The following KAZN variants were observed in gnomAD, a reference collection of about 807,000 sequenced individuals.
KAZN encodes kazrin.
A neutral mutation model predicts 87.4 loss-of-function variants in KAZN; 40 were observed. The observed-to-expected ratio is 0.46, with a 90% confidence interval of 0.36 to 0.60. The LOEUF (loss-of-function observed/expected upper bound fraction) is 0.60, where lower values mean the gene tolerates loss of function less well. KAZN is among the 20% of genes least tolerant of loss of function. KAZN has a pLI of 0.00. For missense variants in KAZN, 898 were observed against 1,073.9 expected (o/e 0.84, Z 2.29); for synonymous variants, 466 against 458.3 (o/e 1.02, Z -0.22).
chr1:14,629,067 G>C (rs1390969623), intron 1 of KAZN, among the ~76,000 whole-genome samples: 1 of 152,038 alleles, frequency 6.6e-6, no homozygotes, highest in African/African-American at 2.4e-5. Flanking sequence ...GGCTGGTCTT[G>C]AACTCCTGAC....
chr1:14,258,340 C>T (rs376118732), intron 2 of KAZN, among the ~76,000 whole-genome samples: 10 of 151,106 alleles, frequency 6.6e-5, no homozygotes, highest in South Asian at 2.1e-4. Flanking sequence ...CTCAGCCTCC[C>T]GAGTAGCTGG....
At chr1:14,593,474 A>G (rs2148584377) in intron 2 of KAZN, among the ~76,000 whole-genome samples, 1 of 152,278 alleles carries the variant, frequency 6.6e-6, no homozygotes, top group East Asian at 1.9e-4. Context: ...TGCAATAGAA[A>G]TAATCAAATT....
chr1:14,383,669 A>C (rs982676005), intron 2 of KAZN, among the ~76,000 whole-genome samples: 18 of 151,852 alleles, frequency 1.2e-4, no homozygotes, highest in African/African-American at 4.1e-4. Context: ...TGTTCCATTG[A>C]TCTCTCTCTC....
Position 15,094,576 on chromosome 1 carries a change from G to A in KAZN, c.1428+191G>A, listed in dbSNP as rs141029492. Among the ~76,000 whole-genome samples the A allele has an allele frequency of 1.3e-5, 2 of 152,334 alleles. No homozygotes were observed. The highest frequency in any genetic ancestry group is 2.1e-4 in the South Asian group (1 of 4,828). ...CTGGCAAGGCAGAGAGCCCTCAGCT[G>A]CCTCATCCTGACAATGGACCCAGGT... is the stretch of plus-strand genomic sequence containing the variant. On this transcript the variant is annotated intron_variant, in intron 9 of 14. Coordinates refer to ENST00000376030, the MANE Select transcript of KAZN (RefSeq NM_201628.3). The surrounding 1 kb of genome is among the most constrained non-coding windows in gnomAD (Gnocchi z 4.5).
chr1:14,084,892 G>A (rs12138507), intron 1 of KAZN, among the ~76,000 whole-genome samples: 12,462 of 152,032 alleles, frequency 0.082, 586 homozygotes, highest in Middle Eastern at 0.12. Context: ...AAAAAAGTAC[G>A]TGTGTGTGTA....
intron 1 of KAZN, among the ~76,000 whole-genome samples, chr1:14,936,917 A>G (rs991056127): frequency 6.6e-6 from 1 of 152,120 alleles, no homozygotes; most frequent in Admixed American, 6.5e-5. Context: ...TCCAGTGGAG[A>G]GGAGCTCAGG....
chr1:13,988,192 GC>G (rs1416826230), intron 1 of KAZN, among the ~76,000 whole-genome samples: 1 of 152,132 alleles, frequency 6.6e-6, no homozygotes, highest in Non-Finnish European at 1.5e-5. Flanking sequence ...CATAGCACAA[GC>G]ATTTGGAGAA....
chr1:14,358,785 G>A (rs962664892), intron 2 of KAZN, among the ~76,000 whole-genome samples: 3 of 151,734 alleles, frequency 2.0e-5, no homozygotes, highest in African/African-American at 7.3e-5. Context: ...CGTGGTCTGA[G>A]AGACTGTTTG....
intron 1 of KAZN, among the ~76,000 whole-genome samples, chr1:14,057,043 CAAAAAA>C (rs527243643): frequency 1.1e-5 from 1 of 91,676 alleles, no homozygotes; most frequent in Non-Finnish European, 2.4e-5. Context: ...GACCCTGTCT[CAAAAAA>C]AAAAAAAAAA....
At chr1:15,098,891 C>A (rs1026346901) in intron 10 of KAZN, among the ~76,000 whole-genome samples, 5 of 152,238 alleles carry the variant, frequency 3.3e-5, no homozygotes, top group Non-Finnish European at 7.3e-5. Context: ...GGGCCCTGGA[C>A]ATTCACAGAT....
At position 14,972,025 on chromosome 1, in the gene KAZN, A is replaced by T. The variant is rs1041738460; in HGVS notation, c.418+11150A>T. On this transcript the variant is annotated intron_variant, in intron 2 of 14. Transcript: ENST00000376030. ...GTAGGGGCAGAGGCTGCACACGCTGATCCTCAGCTTTTAATTAATCCACCC... is the reference window on the plus strand; with the variant it reads ...GTAGGGGCAGAGGCTGCACACGCTGTTCCTCAGCTTTTAATTAATCCACCC... 1.6e-4 allele frequency among the ~76,000 whole-genome samples: 25 copies of T among 152,002 alleles called. 1 individual carries two copies. Among genetic ancestry groups the T allele is most frequent in the Non-Finnish European group, 3.4e-4 (23 of 68,004 alleles).
At chr1:14,509,700 T>C (rs1467849388) in intron 2 of KAZN, among the ~76,000 whole-genome samples, 1 of 152,168 alleles carries the variant, frequency 6.6e-6, no homozygotes, top group Non-Finnish European at 1.5e-5. Flanking sequence ...CAGACAATGC[T>C]GTGTCCCCCT....
intron 1 of KAZN, among the ~76,000 whole-genome samples, chr1:14,628,125 A>G (rs537733806): frequency 6.6e-6 from 1 of 152,336 alleles, no homozygotes; most frequent in African/African-American, 2.4e-5. Context: ...CTCAGTCTCC[A>G]TTGCTACAGA....
rs753488568 is a variant in KAZN, at chr1:14,960,895, C to T, written c.418+20C>T. 9 of 1,588,834 alleles carry T rather than the reference C, an allele frequency of 5.7e-6. 1 individual carries two copies. The South Asian group carries it at 7.9e-5, about 14-fold the overall frequency. On this transcript the variant is annotated intron_variant, in intron 2 of 14. Coordinates refer to ENST00000376030, the MANE Select transcript of KAZN (RefSeq NM_201628.3). Reference sequence around the variant, plus strand: ...TGCAGGGTGAGTGACGAGTCAGCAGCAGTTCCTTCGCTGGGAGCTCAGGCC... The same window carrying T: ...TGCAGGGTGAGTGACGAGTCAGCAGTAGTTCCTTCGCTGGGAGCTCAGGCC...
chr1:14,494,340 G>C (rs1194162880), intron 2 of KAZN, among the ~76,000 whole-genome samples: 2 of 152,218 alleles, frequency 1.3e-5, no homozygotes, highest in Non-Finnish European at 2.9e-5. Context: ...TGGGCAGAGA[G>C]GGAGTGGGTA....
intron 1 of KAZN, among the ~76,000 whole-genome samples, chr1:14,953,052 C>T (rs1019505513): frequency 6.6e-6 from 1 of 152,196 alleles, no homozygotes; most frequent in African/African-American, 2.4e-5. Context: ...CCTGCATGCC[C>T]GCCTCAGAAC....
intron 4 of KAZN, among the ~76,000 whole-genome samples, chr1:15,051,401 G>C (rs907269412): frequency 6.6e-6 from 1 of 152,218 alleles, no homozygotes; most frequent in African/African-American, 2.4e-5. Flanking sequence ...GGGTCTCACT[G>C]CCCAGGCTCA....
chr1:13,944,112 G>C (rs1314370653), intron 1 of KAZN, among the ~76,000 whole-genome samples: 2 of 152,172 alleles, frequency 1.3e-5, no homozygotes, highest in Non-Finnish European at 2.9e-5. Context: ...CCCCAAAGTG[G>C]AAATAACCTA....
intron 2 of KAZN, among the ~76,000 whole-genome samples, chr1:14,972,344 C>A (rs1161556740): frequency 6.6e-6 from 1 of 152,136 alleles, no homozygotes; most frequent in Admixed American, 6.5e-5. Context: ...CAGAGTTGGC[C>A]TCAGAGGCAG....
Sources: gnomAD v4.1 joint callset for allele counts (sites outside exome capture counted in the v4.1 genomes callset) on GRCh38, gnomAD v4.1.1 for gene constraint, Gnocchi (gnomAD v3.1) non-coding constraint, MANE v1.5 for transcripts, NCBI Gene and HGNC (gene_info 2026-07-23, HGNC 2026-07-21) for gene names.